DAB1: variants seen among roughly 807,000 people sequenced by gnomAD.
The protein encoded by DAB1 is disabled homolog 1.
A neutral mutation model predicts 64.6 loss-of-function variants in DAB1; 15 were observed. That is an observed-to-expected ratio of 0.23 (90% confidence interval 0.16 to 0.36). The LOEUF is 0.36. DAB1 is among the 10% of genes least tolerant of loss of function. The probability of loss-of-function intolerance (pLI) is 1.00; values close to 1 mark genes in which losing one functional copy is unlikely to be tolerated. For missense variants in DAB1, 596 were observed against 706.7 expected (o/e 0.84, Z 1.78); for synonymous variants, 235 against 251.9 (o/e 0.93, Z 0.64).
chr1:58,343,285 A>G (rs1643960947), intron 4 of DAB1: 1 of 121,524 alleles, frequency 8.2e-6, no homozygotes, highest in South Asian at 2.6e-4. Context: ...GGATGGATGG[A>G]TAGATGGATG....
chr1:58,086,940 T>C (rs1247624682), intron 5 of DAB1, among the ~76,000 whole-genome samples: 1 of 152,070 alleles, frequency 6.6e-6, no homozygotes, highest in Non-Finnish European at 1.5e-5. Context: ...GATACTTCCA[T>C]AATATGCTGT....
chr1:57,636,083 CGA>C (rs758359862), intron 7 of DAB1, among the ~76,000 whole-genome samples: 53 of 124,542 alleles, frequency 4.3e-4, no homozygotes, highest in Middle Eastern at 5.4e-3. Flanking sequence ...GGCAAAAGAG[CGA>C]GACACGGTCT....
chr1:58,334,058 A>G (rs1375503046), intron 4 of DAB1, among the ~76,000 whole-genome samples: 1 of 152,174 alleles, frequency 6.6e-6, no homozygotes, highest in Non-Finnish European at 1.5e-5. Flanking sequence ...GCCATGTGAG[A>G]TGCCTGTACA....
At chr1:57,980,301 C>T (rs887989727) in intron 5 of DAB1, among the ~76,000 whole-genome samples, 1 of 152,024 alleles carries the variant, frequency 6.6e-6, no homozygotes, top group Non-Finnish European at 1.5e-5. Context: ...ACATGGAATG[C>T]TCTTTTATTA....
intron 1 of DAB1, among the ~76,000 whole-genome samples, chr1:57,370,410 T>C (rs1680400646): frequency 6.6e-6 from 1 of 152,170 alleles, no homozygotes; most frequent in Admixed American, 6.5e-5. Flanking sequence ...GTTCTAATTC[T>C]CCAGACCACT....
At position 57,435,215 on chromosome 1, in the gene DAB1, A is replaced by G. The variant is rs899684211; in HGVS notation, n.626-144049T>C. 2.0e-5 allele frequency among the ~76,000 whole-genome samples: 3 copies of G among 151,292 alleles called. No individual in the cohort carries two copies. The South Asian group carries it at 6.3e-4, about 32-fold the overall frequency. Reference sequence around the variant, plus strand: ...AGGCACTTGCCACCACGCCCGGTTAATTTTTGTATTTTTAGTAGAGATGGG... The same window carrying G: ...AGGCACTTGCCACCACGCCCGGTTAGTTTTTGTATTTTTAGTAGAGATGGG... On this transcript the variant is annotated intron_variant and non_coding_transcript_variant, in intron 7 of 20. Transcript: ENST00000485760.
chr1:57,415,300 A>G (rs1388521383), intron 1 of DAB1, among the ~76,000 whole-genome samples: 1 of 150,358 alleles, frequency 6.7e-6, no homozygotes, highest in African/African-American at 2.5e-5. Context: ...CACACTCCAC[A>G]TGGATTAGAG....
At chr1:57,942,043 G>A (rs563339792) in intron 5 of DAB1, among the ~76,000 whole-genome samples, 2 of 152,272 alleles carry the variant, frequency 1.3e-5, no homozygotes, top group East Asian at 1.9e-4. Flanking sequence ...TTTCTGGGTA[G>A]ATGGGGCAAG....
chr1:57,311,810 G>A (rs1282740270), intron 1 of DAB1, among the ~76,000 whole-genome samples: 1 of 152,146 alleles, frequency 6.6e-6, no homozygotes, highest in Non-Finnish European at 1.5e-5. Flanking sequence ...TACCATCCAT[G>A]TGAATGCATC....
intron 2 of DAB1, among the ~76,000 whole-genome samples, chr1:57,262,288 G>A (rs952840216): frequency 2.0e-5 from 3 of 152,160 alleles, no homozygotes; most frequent in Non-Finnish European, 4.4e-5. Context: ...TTTGAACCAG[G>A]CCTACTGAAC....
chr1:57,752,005 T>C (rs1648576797), intron 6 of DAB1, among the ~76,000 whole-genome samples: 1 of 152,220 alleles, frequency 6.6e-6, no homozygotes, highest in South Asian at 2.1e-4. Context: ...AGCTTCGCAA[T>C]GAAGTCTTGG....
intron 6 of DAB1, among the ~76,000 whole-genome samples, chr1:57,781,116 CTCTCTCTCTCTATATATATATATATA>C (rs1418173344): frequency 2.5e-3 from 146 of 59,012 alleles, no homozygotes; most frequent in African/African-American, 6.8e-3. Context: ...CTCTCTCTCT[CTCTCTCTCTCTATATATATATATATA>C]TATATATATA....
At chr1:57,552,915 A>T (rs896192978) in intron 7 of DAB1, among the ~76,000 whole-genome samples, 10 of 152,116 alleles carry the variant, frequency 6.6e-5, no homozygotes, top group African/African-American at 2.4e-4. Flanking sequence ...TACATTATTG[A>T]TGGAGAGTAG....
chr1:57,787,650 A>G lies in DAB1; in HGVS notation n.551+96349T>C, dbSNP rs1230847852. Among the ~76,000 whole-genome samples the G allele has an allele frequency of 4.6e-5, 7 of 152,100 alleles. No homozygotes were observed. In the East Asian group the frequency reaches 1.3e-3, roughly 29 times the overall value. On this transcript the variant is annotated intron_variant and non_coding_transcript_variant, in intron 6 of 20. Coordinates refer to the DAB1 transcript ENST00000485760. ...ACACAAAAAGCATGAACTATAAAAT[A>G]AAAAAATTGATACACTGAATTTCAC... is the stretch of plus-strand genomic sequence containing the variant.
At chr1:58,489,352 A>C (rs1023052184) in intron 3 of DAB1, among the ~76,000 whole-genome samples, 7 of 152,206 alleles carry the variant, frequency 4.6e-5, no homozygotes, top group African/African-American at 1.7e-4. Flanking sequence ...TTACTAGCAC[A>C]GCAGTCTGAG....
At chr1:57,672,880 T>C (rs1646524484) in intron 6 of DAB1, among the ~76,000 whole-genome samples, 2 of 152,180 alleles carry the variant, frequency 1.3e-5, no homozygotes. Flanking sequence ...ATAGCTTTTG[T>C]CACAGAGTTG....
intron 7 of DAB1, among the ~76,000 whole-genome samples, chr1:57,578,274 T>A (rs1211959439): frequency 1.3e-5 from 2 of 152,212 alleles, no homozygotes; most frequent in African/African-American, 2.4e-5. Context: ...TTCTTTGGCA[T>A]GAAGCATGTC....
chr1:57,545,963 A>G (rs1644851406), intron 7 of DAB1, among the ~76,000 whole-genome samples: 1 of 152,174 alleles, frequency 6.6e-6, no homozygotes, highest in South Asian at 2.1e-4. Flanking sequence ...ACAAATAAAA[A>G]TTACTCCTAA....
intron 7 of DAB1, among the ~76,000 whole-genome samples, chr1:57,499,067 C>A (rs1225844362): frequency 6.6e-6 from 1 of 152,110 alleles, no homozygotes; most frequent in Non-Finnish European, 1.5e-5. Flanking sequence ...CCTCCGCCTC[C>A]CGGGTTCAAG....
Sources: gnomAD v4.1 joint callset for allele counts (sites outside exome capture counted in the v4.1 genomes callset) on GRCh38, gnomAD v4.1.1 for gene constraint, MANE v1.5 for transcripts, NCBI Gene and HGNC (gene_info 2026-07-23, HGNC 2026-07-21) for gene names.